Variants in RAD51AP1 observed in about 807,000 individuals in gnomAD.
The protein encoded by RAD51AP1 is RAD51 associated protein 1.
In RAD51AP1, 14 loss-of-function variants were observed where a neutral mutation model predicts 34.3. The observed-to-expected ratio is 0.41, with a 90% CI of 0.27 to 0.64. RAD51AP1 has a LOEUF of 0.64. Ranked by LOEUF, RAD51AP1 falls within the 30% of genes least tolerant of loss-of-function variation. RAD51AP1 has a pLI of 0.33. For missense variants in RAD51AP1, 348 were observed against 386.9 expected (o/e 0.90, Z 0.84); for synonymous variants, 114 against 129.8 (o/e 0.88, Z 0.83).
chr12:4,548,601 A>G, intron 5 of RAD51AP1, 86 bp from the exon 6 acceptor site: 1 of 1,439,680 alleles, frequency 6.9e-7, no homozygotes, highest in Non-Finnish European at 9.5e-7. Context: ...AATAAAAACA[A>G]TAGCTGTAAT....
At chr12:4,553,331 G>A (rs73037787) in intron 7 of RAD51AP1, 184 bp downstream of exon 7, 40 of 449,950 alleles carry the variant, frequency 8.9e-5, no homozygotes, top group Non-Finnish European at 1.4e-4. Context: ...ACTCCACTAC[G>A]TATGCTAGCA....
At chr12:4,551,547 A>G (rs1312024729) in intron 6 of RAD51AP1, among the ~76,000 whole-genome samples, 1 of 151,904 alleles carries the variant, frequency 6.6e-6, no homozygotes, top group Non-Finnish European at 1.5e-5. Flanking sequence ...GAGCTAGAAA[A>G]CAGACAAATC....
intron 1 of RAD51AP1, 117 bp downstream of exon 1, chr12:4,539,073 G>A: frequency 8.6e-7 from 1 of 1,157,878 alleles, no homozygotes; most frequent in Non-Finnish European, 1.3e-6. Context: ...TAGGATGGAC[G>A]GTTATCAAGA....
At chr12:4,546,503 A>G in intron 4 of RAD51AP1, 85 bp downstream of exon 4, 1 of 940,270 alleles carries the variant, frequency 1.1e-6, no homozygotes, top group Non-Finnish European at 1.7e-6. Flanking sequence ...CACAGAGGAA[A>G]CAGGTAAAAT....
Position 4,558,874 on chromosome 12 carries a change from A to G in RAD51AP1, c.889A>G (p.Arg297Gly), listed in dbSNP as rs764648504. 1 of 1,614,124 alleles carries G rather than the reference A, an allele frequency of 6.2e-7. No individual in the cohort carries two copies. Among genetic ancestry groups the G allele is most frequent in the East Asian group, 2.2e-5 (1 of 44,884 alleles). The change falls in exon 9 of 9, where the codon AGA becomes GGA. Residue 297 changes from arginine to glycine, a missense_variant. By Grantham distance (125) the Arg-to-Gly change is moderately radical. Transcript: ENST00000352618. ...WVPPAASGGSRSSSSPLVVVS... is the reference protein window; with the variant it reads ...WVPPAASGGSGSSSSPLVVVS... Reference sequence around the variant, plus strand: ...CCTTTCAGCGGCATCTGGAGGTAGCAGAAGTAGCAGCAGCCCACTGGTGGT... The same window carrying G: ...CCTTTCAGCGGCATCTGGAGGTAGCGGAAGTAGCAGCAGCCCACTGGTGGT...
At chr12:4,549,362 A>T (rs1263286724) in intron 6 of RAD51AP1, among the ~76,000 whole-genome samples, 4 of 152,242 alleles carry the variant, frequency 2.6e-5, no homozygotes, top group Non-Finnish European at 5.9e-5. Flanking sequence ...TTGACAGAAC[A>T]TTATAACATA....
At chr12:4,547,731 A>G (rs1944516543) in intron 4 of RAD51AP1, among the ~76,000 whole-genome samples, 1 of 152,218 alleles carries the variant, frequency 6.6e-6, no homozygotes, top group Non-Finnish European at 1.5e-5. Flanking sequence ...CATTTCCTGT[A>G]TATTAGGCAC....
intron 6 of RAD51AP1, among the ~76,000 whole-genome samples, 175 bp from the exon 7 acceptor site, chr12:4,552,808 T>C (rs1419782642): frequency 6.6e-6 from 1 of 152,230 alleles, no homozygotes; most frequent in African/African-American, 2.4e-5. Context: ...GTGAAGTTAG[T>C]GACCTGTCTG....
intron 1 of RAD51AP1, among the ~76,000 whole-genome samples, chr12:4,541,451 A>G (rs1402539537): frequency 6.6e-6 from 1 of 152,232 alleles, no homozygotes; most frequent in Non-Finnish European, 1.5e-5. Flanking sequence ...TAGAATGCAC[A>G]CACAAAACAG....
At chr12:4,553,771 C>A (rs918510754) in intron 7 of RAD51AP1, among the ~76,000 whole-genome samples, 1 of 151,802 alleles carries the variant, frequency 6.6e-6, no homozygotes, top group Non-Finnish European at 1.5e-5. Context: ...TTTTTGAGTT[C>A]ATAGTATATG....
At chr12:4,546,223 T>G in intron 3 of RAD51AP1, 86 bp from the exon 4 acceptor site, 1 of 994,310 alleles carries the variant, frequency 1.0e-6, no homozygotes, top group Non-Finnish European at 1.5e-6. Context: ...AACTCTTGAA[T>G]AGTAATTTGG....
intron 2 of RAD51AP1, 93 bp downstream of exon 2, chr12:4,542,026 GC>G: frequency 1.4e-6 from 1 of 706,582 alleles, no homozygotes; most frequent in South Asian, 3.3e-5. Flanking sequence ...TGACTAAATT[GC>G]CCAAATGCAT....
chr12:4,558,769 T>C (rs901556731), intron 8 of RAD51AP1, 88 bp from the exon 9 acceptor site: 10 of 1,496,602 alleles, frequency 6.7e-6, no homozygotes, highest in African/African-American at 4.2e-5. Context: ...AATGCTTAAC[T>C]ACCTTTTTTT....
At chr12:4,545,287 C>T in intron 3 of RAD51AP1, 1 of 428,196 alleles carries the variant, frequency 2.3e-6, no homozygotes, top group Non-Finnish European at 4.7e-6. Flanking sequence ...AAACATCATT[C>T]TGAGTGAAAG....
intron 1 of RAD51AP1, among the ~76,000 whole-genome samples, chr12:4,540,453 A>C (rs995163807): frequency 3.3e-5 from 5 of 152,102 alleles, no homozygotes; most frequent in Non-Finnish European, 5.9e-5. Flanking sequence ...TTTGCACTGC[A>C]GTGACCCCGA....
chr12:4,553,194 G>T, intron 7 of RAD51AP1, 47 bp downstream of exon 7: 1 of 1,396,188 alleles, frequency 7.2e-7, no homozygotes, highest in Non-Finnish European at 9.5e-7. Flanking sequence ...AATGTATGTG[G>T]TTTGTTTGCC....
chr12:4,542,688 A>G (rs1293814719), intron 2 of RAD51AP1, among the ~76,000 whole-genome samples: 2 of 152,016 alleles, frequency 1.3e-5, no homozygotes, highest in Non-Finnish European at 2.9e-5. Flanking sequence ...AGCATATAAG[A>G]GACAACAAGT....
intron 4 of RAD51AP1, among the ~76,000 whole-genome samples, chr12:4,547,138 G>T (rs1366088293): frequency 6.6e-6 from 1 of 152,204 alleles, no homozygotes. Flanking sequence ...CATGATCATG[G>T]CTCAATACAA....
intron 6 of RAD51AP1, among the ~76,000 whole-genome samples, chr12:4,551,760 T>C (rs1944548977): frequency 6.6e-6 from 1 of 152,220 alleles, no homozygotes; most frequent in Non-Finnish European, 1.5e-5. Flanking sequence ...TTTTTAGAGA[T>C]ACATTCTGAA....
Sources: gnomAD v4.1 joint callset for allele counts (sites outside exome capture counted in the v4.1 genomes callset) on GRCh38, gnomAD v4.1.1 for gene constraint, MANE v1.5 for transcripts, NCBI Gene and HGNC (gene_info 2026-07-23, HGNC 2026-07-21) for gene names.